Variants in ZSCAN12 observed in about 807,000 individuals in gnomAD.
ZSCAN12 encodes the protein zinc finger and SCAN domain containing 12, also known as zinc finger and SCAN domain-containing protein 12.
ZSCAN12 carries 18 observed loss-of-function variants against 23.4 expected under a neutral mutation model. The observed-to-expected ratio is 0.77, with a 90% CI of 0.53 to 1.14. ZSCAN12 has a LOEUF of 1.14. Among genes scored for constraint, ZSCAN12 ranks in the 50% most tolerant of loss-of-function variants. The pLI is 0.00. For synonymous variants in ZSCAN12, 186 were observed against 253.4 expected (o/e 0.73, Z 2.53); for missense variants, 650 against 735.0 (o/e 0.88, Z 1.34).
At position 28,392,901 on chromosome 6, in the gene ZSCAN12, C is replaced by G. The variant is rs1760921724; in HGVS notation, c.547+1G>C. 1.3e-6 allele frequency: 2 copies of G among 1,551,958 alleles called. No homozygotes were observed. Among genetic ancestry groups the G allele is most frequent in the African/African-American group, 1.4e-5 (1 of 73,010 alleles). On this transcript the variant is annotated splice_donor_variant, in intron 3 of 3. Coordinates refer to ENST00000684592, the MANE Select transcript of ZSCAN12 (RefSeq NM_001163391.2). LOFTEE classifies it high-confidence loss of function. ...TCCCAAGATGGGTCTTTCTTCTTTA[C>G]CTTGCTCCTGTTGGGATTCAAGTTC... is the stretch of plus-strand genomic sequence containing the variant.
At position 28,385,050 on chromosome 6, in the gene ZSCAN12, A is replaced by G. The variant is rs951672656; in HGVS notation, c.*5404T>C. ...TAAAATTGGTAAGTCTTAAGCAAAG[A>G]AAAATATCATATATCACATATATGT... is the stretch of plus-strand genomic sequence containing the variant. On this transcript the variant is annotated 3_prime_UTR_variant, in exon 4 of 4. Coordinates refer to ENST00000684592, the MANE Select transcript of ZSCAN12 (RefSeq NM_001163391.2). 3.9e-5 allele frequency among the ~76,000 whole-genome samples: 6 copies of G among 152,210 alleles called. No individual in the cohort carries two copies. The highest frequency in any genetic ancestry group is 8.8e-5 in the Non-Finnish European group (6 of 68,046).
chr6:28,394,790 A>C (rs1761025212), intron 2 of ZSCAN12, among the ~76,000 whole-genome samples: 1 of 152,044 alleles, frequency 6.6e-6, no homozygotes, highest in African/African-American at 2.4e-5. Flanking sequence ...CGTGGCTTTA[A>C]ATACTATGCG....
rs1760476285 is a variant in ZSCAN12 at position 28,385,124 on chromosome 6, C to A, written c.*5330G>T. On this transcript the variant is annotated 3_prime_UTR_variant, in exon 4 of 4. Transcript: ENST00000684592. ...AGAAGTATCTTCTAATATAAAATCA[C>A]TTTTGAAAACTGGCATTAAAGATAG... Among the ~76,000 whole-genome samples, 1 of 152,162 alleles carries A rather than the reference C, an allele frequency of 6.6e-6. No homozygotes were observed. Among genetic ancestry groups the A allele is most frequent in the Non-Finnish European group, 1.5e-5 (1 of 68,042 alleles).
In ZSCAN12 at chr6:28,391,740, A is replaced by C. The variant is rs1459403350; in HGVS notation, c.550T>G (p.Leu184Val). 6.6e-7 allele frequency: 1 copy of C among 1,521,578 alleles called. No homozygotes were observed. Among genetic ancestry groups the C allele is most frequent in the African/African-American group, 1.4e-5 (1 of 71,792 alleles). The allele number at this position is 1,521,578 out of a possible 1,614,324, so 94.3% of individuals were successfully genotyped here. A position where few individuals can be genotyped will look rare whatever the true frequency, so the allele number is the denominator to read the frequency against. The change falls in exon 4 of 4, where the codon TTA becomes GTA. Residue 184 changes from leucine to valine, a missense_variant and splice_region_variant. Coordinates refer to ENST00000684592, the MANE Select transcript of ZSCAN12 (RefSeq NM_001163391.2). The surrounding 1 kb of genome is among the most constrained non-coding windows in gnomAD (Gnocchi z 4.1). ...TACTCATTTCCAGTCTCAACATCTA[A>C]AACTAAGAAGGGATCATAAATGTTA... The part of the protein sequence containing the change: ...PELESQQEQV[L>V]DVETGNEYGN...
intron 2 of ZSCAN12, among the ~76,000 whole-genome samples, chr6:28,396,718 C>T (rs1489622750): frequency 1.3e-5 from 2 of 152,124 alleles, no homozygotes; most frequent in Non-Finnish European, 2.9e-5. Context: ...GATTCTCCTG[C>T]TTCAGCCTAC....
Position 28,387,345 on chromosome 6 carries a change from G to GC in ZSCAN12, c.*3108dup, listed in dbSNP as rs1356867497. On this transcript the variant is annotated 3_prime_UTR_variant, in exon 4 of 4. Transcript: ENST00000684592. The stretch of plus-strand genomic sequence containing the variant: ...GTAAAGGCACTCAGAGGAGTAGAAG[G>GC]CAAGTTTAAAACAACGATTGCATTC... Among the ~76,000 whole-genome samples the GC allele has an allele frequency of 6.6e-6, 1 of 152,182 alleles. No individual in the cohort carries two copies.
chr6:28,398,311 C>T lies in ZSCAN12; in HGVS notation c.95G>A (p.Trp32Ter). ...EEEKYTTRQD[W>*]DLRKNNTHSR... ...ATGGGTGTTGTTTTTACGCAGGTCC[C>T]AATCCTGTCTGGTGGTATATTTCTC... Residue 32 changes from tryptophan (W) to a stop codon, truncating the protein, a stop_gained, in exon 2 of 4, where the codon TGG becomes TAG. Coordinates refer to ENST00000684592, the MANE Select transcript of ZSCAN12 (RefSeq NM_001163391.2). LOFTEE classifies it high-confidence loss of function. The T allele has an allele frequency of 6.3e-7, 1 of 1,575,506 alleles. No individual in the cohort carries two copies. Among genetic ancestry groups the T allele is most frequent in the Non-Finnish European group, 8.6e-7 (1 of 1,160,232 alleles).
rs573871235 is a variant in ZSCAN12 at position 28,393,448 on chromosome 6, A to G, written c.403-402T>C. Among the ~76,000 whole-genome samples, 29 of 150,580 alleles carry G rather than the reference A, an allele frequency of 1.9e-4. 1 individual carries two copies. The highest frequency in any genetic ancestry group is 3.5e-4 in the Non-Finnish European group (24 of 67,888). Reference sequence around the variant, plus strand: ...AGAGGAAAAGGAAAGGGGATATGTAAAGGTAAATAATGTAGAGAAATGATA... The same window carrying G: ...AGAGGAAAAGGAAAGGGGATATGTAGAGGTAAATAATGTAGAGAAATGATA... On this transcript the variant is annotated intron_variant, in intron 2 of 3. Coordinates refer to ENST00000684592, the MANE Select transcript of ZSCAN12 (RefSeq NM_001163391.2).
chr6:28,398,392 CA>C lies in ZSCAN12; in HGVS notation c.13del (p.Trp5GlyfsTer15), dbSNP rs1378643138. On this transcript the variant is annotated frameshift_variant, in exon 2 of 4. Transcript: ENST00000684592. LOFTEE classifies it high-confidence loss of function. ...CTGGTCCATGTGGGCCTGGATAGCCCAAGTAGATGCCATTTTAGCTGTGCTA... is the reference window on the plus strand; with the variant it reads ...CTGGTCCATGTGGGCCTGGATAGCCCAGTAGATGCCATTTTAGCTGTGCTA... MAST[W>X]AIQAHMDQDE... 1.9e-6 allele frequency: 3 copies of C among 1,546,030 alleles called. No homozygotes were observed. In the African/African-American group the frequency reaches 4.1e-5, roughly 21 times the overall value.
In ZSCAN12 at chr6:28,391,592, G is replaced by A. The variant is rs1238847906; in HGVS notation, c.698C>T (p.Thr233Ile). Residue 233 changes from threonine to isoleucine, a missense_variant, in exon 4 of 4, where the codon ACA becomes ATA. By Grantham distance (89) the Thr-to-Ile change is moderately conservative (BLOSUM62 -1). Coordinates refer to ENST00000684592, the MANE Select transcript of ZSCAN12 (RefSeq NM_001163391.2). This position sits in a 1 kb window ranked among gnomAD's most constrained non-coding sequence, Gnocchi z 4.1. ...TCTGGAGCAAGCAGAGGGCTCTTCTGTTATTTCTTCAGGTTCACGAGTTTC... is the reference window on the plus strand; with the variant it reads ...TCTGGAGCAAGCAGAGGGCTCTTCTATTATTTCTTCAGGTTCACGAGTTTC... ...CGETREPEEI[T>I]EEPSACSRED... The A allele has an allele frequency of 1.9e-6, 3 of 1,552,174 alleles. No individual in the cohort carries two copies. The African/African-American group carries it at 4.1e-5, about 21-fold the overall frequency.
At chr6:28,392,183 CT>C (rs754444783) in intron 3 of ZSCAN12, among the ~76,000 whole-genome samples, 279 of 142,658 alleles carry the variant, frequency 2.0e-3, no homozygotes, top group South Asian at 3.4e-3. Flanking sequence ...TTTTCTTTTT[CT>C]TTTTTTTTTT....
rs1260732985 is a variant in ZSCAN12 at position 28,390,196 on chromosome 6, C to T, written c.*258G>A. ...GACACCATCTGGTGCATCAATTCTA[C>T]TCTCCTGTAGTCTTATATGACTAAA... On this transcript the variant is annotated 3_prime_UTR_variant, in exon 4 of 4. Coordinates refer to ENST00000684592, the MANE Select transcript of ZSCAN12 (RefSeq NM_001163391.2). Among the ~76,000 whole-genome samples, 1 of 152,218 alleles carries T rather than the reference C, an allele frequency of 6.6e-6. No individual in the cohort carries two copies. The highest frequency in any genetic ancestry group is 1.5e-5 in the Non-Finnish European group (1 of 68,030).
intron 2 of ZSCAN12, among the ~76,000 whole-genome samples, chr6:28,395,683 C>T (rs968219026): frequency 1.3e-5 from 2 of 152,210 alleles, no homozygotes; most frequent in African/African-American, 4.8e-5. Flanking sequence ...TCTCAGAATA[C>T]AATTCGAAAT....
intron 1 of ZSCAN12, among the ~76,000 whole-genome samples, chr6:28,398,846 T>C (rs537273269): frequency 6.9e-6 from 1 of 145,152 alleles, no homozygotes; most frequent in East Asian, 2.0e-4. Context: ...GGCAGGGGAA[T>C]GGCGTGAACC....
At chr6:28,393,117 A>G (rs1760939051) in intron 2 of ZSCAN12, 71 bp from the exon 3 acceptor site, 1 of 1,486,786 alleles carries the variant, frequency 6.7e-7, no homozygotes, top group Non-Finnish European at 9.1e-7. Flanking sequence ...TATTTGTGGC[A>G]GTGGCTGAAC....
At chr6:28,397,930 T>G in intron 2 of ZSCAN12, 74 bp downstream of exon 2, 1 of 1,439,810 alleles carries the variant, frequency 6.9e-7, no homozygotes, top group Non-Finnish European at 9.2e-7. Context: ...TGTGAAAAAA[T>G]GGCTGTTCTT....
At chr6:28,382,697 A>G, downstream of ZSCAN12, 8 of 1,466,134 alleles carry the variant, frequency 5.5e-6, no homozygotes, top group Middle Eastern at 1.0e-3. Flanking sequence ...AGGCACTGAA[A>G]GAAAACGGAA....
chr6:28,387,640 G>A lies in ZSCAN12; in HGVS notation c.*2814C>T, dbSNP rs1760616602. Among the ~76,000 whole-genome samples the A allele has an allele frequency of 6.6e-6, 1 of 152,190 alleles. No individual in the cohort carries two copies. Among genetic ancestry groups the A allele is most frequent in the African/African-American group, 2.4e-5 (1 of 41,438 alleles). ...TTCCTCCATGTAGGCTAATTTTAGA[G>A]CAGAGATAATATGCAAAAACAGCAA... On this transcript the variant is annotated 3_prime_UTR_variant, in exon 4 of 4. Coordinates refer to ENST00000684592, the MANE Select transcript of ZSCAN12 (RefSeq NM_001163391.2).
chr6:28,389,939 T>G lies in ZSCAN12; in HGVS notation c.*515A>C, dbSNP rs541062771. Among the ~76,000 whole-genome samples the G allele has an allele frequency of 6.6e-5, 10 of 152,328 alleles. No homozygotes were observed. The highest frequency in any genetic ancestry group is 2.4e-4 in the African/African-American group (10 of 41,576). The stretch of plus-strand genomic sequence containing the variant: ...AACTTAATGCTATTGATTGCCCAAT[T>G]TGCACGAACCTTTTACTTCAGGTTG... On this transcript the variant is annotated 3_prime_UTR_variant, in exon 4 of 4. Coordinates refer to ENST00000684592, the MANE Select transcript of ZSCAN12 (RefSeq NM_001163391.2).
Sources: allele counts gnomAD v4.1 joint callset (sites outside exome capture counted in the v4.1 genomes callset), GRCh38; gene constraint gnomAD v4.1.1; non-coding constraint Gnocchi (gnomAD v3.1); transcripts MANE v1.5; gene names NCBI Gene and HGNC (gene_info 2026-07-23, HGNC 2026-07-21).